Variants in CDC42EP4 observed in about 807,000 individuals in gnomAD.
CDC42EP4 encodes CDC42 effector protein 4.
Under a neutral mutation model 5.6 loss-of-function variants are expected in CDC42EP4, and 6 were observed. The observed-to-expected ratio is 1.07, with a 90% CI of 0.59 to 2.12. The LOEUF is 2.12. CDC42EP4 is among the 30% of genes most tolerant of loss of function. The pLI, the probability that CDC42EP4 is intolerant of heterozygous loss-of-function variation, is 0.00. For missense variants in CDC42EP4, 490 were observed against 508.6 expected, an observed-to-expected ratio of 0.96 and a Z score of 0.35; for synonymous variants, 230 against 224.2, an observed-to-expected ratio of 1.03 and a Z score of -0.23.
rs963005574 is a variant in CDC42EP4, at chr17:73,284,427, G to C, written c.*1003C>G. 1 of 152,072 alleles carries C rather than the reference G, an allele frequency of 6.6e-6. No homozygotes were observed. Among genetic ancestry groups the C allele is most frequent in the Non-Finnish European group, 1.5e-5 (1 of 68,026 alleles). 9.4% of individuals were successfully genotyped at this position (152,072 alleles called of 1,614,324 possible). A position where few individuals can be genotyped will look rare whatever the true frequency, so the allele number is the denominator to read the frequency against. On this transcript the variant is annotated 3_prime_UTR_variant, in exon 2 of 2. Coordinates refer to ENST00000335793, the MANE Select transcript of CDC42EP4 (RefSeq NM_012121.5). ...AGTTGTTAATAGCTATGGGAGGTGC[G>C]TAGGGAAAACACACACACCAGACAC...
rs577121694 is a variant in CDC42EP4 at position 73,286,834 on chromosome 17, C to T, written c.-112-222G>A. Reference sequence around the variant, plus strand: ...AATCTGGTTAGAGTTCCAGTAGCCTCGGACACACTTTCCCTGAAACTTGAG... The same window carrying T: ...AATCTGGTTAGAGTTCCAGTAGCCTTGGACACACTTTCCCTGAAACTTGAG... On this transcript the variant is annotated intron_variant, in intron 1 of 1. Coordinates refer to ENST00000335793, the MANE Select transcript of CDC42EP4 (RefSeq NM_012121.5). This position sits in a 1 kb window ranked among gnomAD's most constrained non-coding sequence, Gnocchi z 7.7. 1.9e-5 allele frequency: 5 copies of T among 258,512 alleles called. No homozygotes were observed. Among genetic ancestry groups the T allele is most frequent in the South Asian group, 1.1e-4 (1 of 8,852 alleles). 16.0% of individuals were successfully genotyped at this position (258,512 alleles called of 1,614,324 possible).
intron 1 of CDC42EP4, among the ~76,000 whole-genome samples, chr17:73,294,181 T>A (rs2062174356): frequency 6.6e-6 from 1 of 151,954 alleles, no homozygotes; most frequent in African/African-American, 2.4e-5. Flanking sequence ...TGAAACCCCA[T>A]CTCCACTAAA....
intron 1 of CDC42EP4, among the ~76,000 whole-genome samples, chr17:73,287,149 G>A (rs1243216893): frequency 6.6e-6 from 1 of 152,204 alleles, no homozygotes; most frequent in Non-Finnish European, 1.5e-5. Context: ...CGGGCTCAGG[G>A]AGACAGAGGC....
chr17:73,309,485 CTG>C, intron 1 of CDC42EP4, among the ~76,000 whole-genome samples: 2 of 152,282 alleles, frequency 1.3e-5, no homozygotes, highest in East Asian at 3.9e-4. Flanking sequence ...GTCTCTGGTT[CTG>C]TGAGGTGCTG....
In CDC42EP4 at chr17:73,286,018, C is replaced by A. The variant is rs374162933; in HGVS notation, c.483G>T (p.Glu161Asp). 1.2e-6 allele frequency: 2 copies of A among 1,613,742 alleles called. No homozygotes were observed. Among genetic ancestry groups the A allele is most frequent in the African/African-American group, 1.3e-5 (1 of 75,064 alleles). ...EGGDEEAGTE[E>D]AVPRRNGAAG... is the part of the protein sequence containing the mutation. ...CGGCCCCATTCCGACGGGGCACTGC[C>A]TCCTCCGTGCCCGCCTCCTCATCGC... Residue 161 changes from glutamate to aspartate, a missense_variant, in exon 2 of 2, where the codon GAG (glutamate) becomes GAT (aspartate). Transcript: ENST00000335793. The surrounding 1 kb of genome is among the most constrained non-coding windows in gnomAD (Gnocchi z 7.7).
intron 1 of CDC42EP4, among the ~76,000 whole-genome samples, chr17:73,304,128 C>T (rs913868685): frequency 6.6e-6 from 1 of 152,188 alleles, no homozygotes; most frequent in Non-Finnish European, 1.5e-5. Flanking sequence ...CAGGGGTAGA[C>T]CCCTCCCCAG....
Position 73,284,959 on chromosome 17 carries a change from T to A in CDC42EP4, c.*471A>T, listed in dbSNP as rs2062122891. On this transcript the variant is annotated 3_prime_UTR_variant, in exon 2 of 2. Transcript: ENST00000335793. ...CTGAGAGGCAAGACCGTCTCCCTCC[T>A]GCTGCAGCTGCTTCCCCAGCAGCCA... The A allele has an allele frequency of 6.6e-6, 1 of 151,888 alleles. No individual in the cohort carries two copies. The highest frequency in any genetic ancestry group is 2.0e-4 in the East Asian group (1 of 5,126). 9.4% of individuals were successfully genotyped at this position (151,888 alleles called of 1,614,324 possible).
At chr17:73,299,228 C>T (rs1389621538) in intron 1 of CDC42EP4, among the ~76,000 whole-genome samples, 8 of 151,882 alleles carry the variant, frequency 5.3e-5, no homozygotes, top group Non-Finnish European at 1.0e-4. Context: ...TCGAGGCCAT[C>T]CTGGCTAACA....
chr17:73,308,606 C>T (rs1217063399), intron 1 of CDC42EP4, among the ~76,000 whole-genome samples: 2 of 152,176 alleles, frequency 1.3e-5, no homozygotes, highest in South Asian at 2.1e-4. Context: ...GAGAGGCCAA[C>T]ATCAAACACC....
At chr17:73,308,163 G>A (rs1477526544) in intron 1 of CDC42EP4, among the ~76,000 whole-genome samples, 1 of 152,182 alleles carries the variant, frequency 6.6e-6, no homozygotes, top group African/African-American at 2.4e-5. Context: ...CATGGGCTTG[G>A]CCTTCCTAGA....
chr17:73,291,890 A>G (rs12950128), intron 1 of CDC42EP4, among the ~76,000 whole-genome samples: 50,955 of 151,992 alleles, frequency 0.34, 8,607 homozygotes, highest in South Asian at 0.39. Flanking sequence ...TGCTTGGGTC[A>G]CAGCAACCAC....
In CDC42EP4 at chr17:73,286,463, T is replaced by G. The variant is rs774517149; in HGVS notation, c.38A>C (p.His13Pro). 12 of 1,604,948 alleles carry G rather than the reference T, an allele frequency of 7.5e-6. No individual in the cohort carries two copies. Among genetic ancestry groups the G allele is most frequent in the Non-Finnish European group, 7.7e-6 (9 of 1,173,712 alleles). Residue 13 changes from histidine (H) to proline (P), a missense_variant, in exon 2 of 2, where the codon CAC (histidine) becomes CCC (proline). Transcript: ENST00000335793. This position sits in a 1 kb window ranked among gnomAD's most constrained non-coding sequence, Gnocchi z 7.7. ...ILKQLVSSSV[H>P]SKRRSRADLT... Reference sequence around the variant, plus strand: ...GTCCGCTCGGGAACGGCGCTTGGAGTGCACCGAGCTGGACACCAGTTGCTT... The same window carrying G: ...GTCCGCTCGGGAACGGCGCTTGGAGGGCACCGAGCTGGACACCAGTTGCTT...
chr17:73,285,424 T>G lies in CDC42EP4; in HGVS notation c.*6A>C, dbSNP rs1306655946. 3 of 1,540,472 alleles carry G rather than the reference T, an allele frequency of 1.9e-6. No homozygotes were observed. Among genetic ancestry groups the G allele is most frequent in the East Asian group, 2.3e-5 (1 of 43,918 alleles). ...AAGAGCTCCCGGTGGCCACCCACTG[T>G]CCGCCTCACACACGGATTTCATCCT... On this transcript the variant is annotated 3_prime_UTR_variant, in exon 2 of 2. Coordinates refer to ENST00000335793, the MANE Select transcript of CDC42EP4 (RefSeq NM_012121.5). This position sits in a 1 kb window ranked among gnomAD's most constrained non-coding sequence, Gnocchi z 6.8.
chr17:73,296,257 A>T lies in CDC42EP4; in HGVS notation c.-112-9645T>A, dbSNP rs529399666. ...AAAAAAAAAAAATTAAAAAATACAT[A>T]AAAAAATAAAATTAGCTGGGCCTGG... On this transcript the variant is annotated intron_variant, in intron 1 of 1. Transcript: ENST00000335793. Among the ~76,000 whole-genome samples the T allele has an allele frequency of 1.1e-3, 163 of 151,144 alleles. 2 individuals carry two copies. Among genetic ancestry groups the T allele is most frequent in the African/African-American group, 3.2e-3 (133 of 41,064 alleles).
At chr17:73,305,624 C>T (rs553426745) in intron 1 of CDC42EP4, among the ~76,000 whole-genome samples, 19 of 152,336 alleles carry the variant, frequency 1.2e-4, no homozygotes, top group Non-Finnish European at 2.2e-4. Flanking sequence ...TGGCCTGCCA[C>T]GTGGGTCAAG....
At chr17:73,302,015 G>A (rs533067504) in intron 1 of CDC42EP4, among the ~76,000 whole-genome samples, 3 of 152,248 alleles carry the variant, frequency 2.0e-5, no homozygotes, top group Non-Finnish European at 4.4e-5. Context: ...TGTATTTTTA[G>A]TAGAGACAGG....
At chr17:73,308,915 A>G (rs926534183) in intron 1 of CDC42EP4, among the ~76,000 whole-genome samples, 1 of 151,192 alleles carries the variant, frequency 6.6e-6, no homozygotes, top group African/African-American at 2.4e-5. Context: ...GCATGCACCT[A>G]TAATCCCAGC....
intron 1 of CDC42EP4, among the ~76,000 whole-genome samples, chr17:73,287,944 C>T (rs1223435857): frequency 3.9e-5 from 6 of 152,196 alleles, no homozygotes; most frequent in Non-Finnish European, 5.9e-5. Context: ...ATCCACATGA[C>T]GCCCTACCCA....
chr17:73,297,790 C>A (rs1023703993), intron 1 of CDC42EP4, among the ~76,000 whole-genome samples: 4 of 151,948 alleles, frequency 2.6e-5, no homozygotes, highest in Non-Finnish European at 5.9e-5. Context: ...TCCCAAGTAG[C>A]TGGGATTACA....
Sources: allele counts gnomAD v4.1 joint callset (sites outside exome capture counted in the v4.1 genomes callset), GRCh38; gene constraint gnomAD v4.1.1; non-coding constraint Gnocchi (gnomAD v3.1); transcripts MANE v1.5; gene names NCBI Gene and HGNC (gene_info 2026-07-23, HGNC 2026-07-21).